Variants in WDPCP observed in about 807,000 individuals in gnomAD.
WDPCP encodes the protein WD repeat-containing and planar cell polarity effector protein fritz homolog.
In WDPCP, 71 loss-of-function variants were observed where a neutral mutation model predicts 93.1. The observed-to-expected ratio is 0.76, with a 90% CI of 0.63 to 0.93. WDPCP has a LOEUF of 0.93. Ranked by LOEUF, WDPCP falls within the 40% of genes least tolerant of loss-of-function variation. WDPCP has a pLI of 0.00. For synonymous variants in WDPCP, 315 were observed against 315.0 expected, an observed-to-expected ratio of 1.00 and a Z score of 0.00; for missense variants, 844 against 887.4, an observed-to-expected ratio of 0.95 and a Z score of 0.62.
chr2:63,308,766 A>G (rs1685947860), intron 13 of WDPCP, among the ~76,000 whole-genome samples: 1 of 152,194 alleles, frequency 6.6e-6, no homozygotes. Flanking sequence ...TAGGGGAGAG[A>G]CAGCATTAGG....
chr2:63,142,921 TATACACACAC>T (rs1671200618), intron 17 of WDPCP, among the ~76,000 whole-genome samples: 1 of 76,558 alleles, frequency 1.3e-5, no homozygotes, highest in Non-Finnish European at 2.7e-5. Flanking sequence ...TACACATACA[TATACACACAC>T]ACACACACAC....
chr2:63,776,801 T>A (rs113397762), intron 2 of WDPCP, among the ~76,000 whole-genome samples: 1 of 152,170 alleles, frequency 6.6e-6, no homozygotes, highest in African/African-American at 2.4e-5. Flanking sequence ...TCCTGTCATT[T>A]GTGACAACAT....
chr2:63,130,891 T>C (rs1014963303), intron 17 of WDPCP, among the ~76,000 whole-genome samples: 17 of 152,182 alleles, frequency 1.1e-4, no homozygotes, highest in African/African-American at 4.1e-4. Flanking sequence ...GTTTGGTACA[T>C]ACATATTTAT....
chr2:63,286,243 C>A (rs1683992917), intron 13 of WDPCP, among the ~76,000 whole-genome samples: 1 of 152,176 alleles, frequency 6.6e-6, no homozygotes, highest in Non-Finnish European at 1.5e-5. Flanking sequence ...ATCATATCCC[C>A]TGTGACCTGC....
intron 9 of WDPCP, among the ~76,000 whole-genome samples, chr2:63,418,467 A>G (rs1695593121): frequency 6.6e-6 from 1 of 152,248 alleles, no homozygotes; most frequent in South Asian, 2.1e-4. Context: ...CCCATCTTCC[A>G]TGAGGCATGC....
At chr2:63,651,655 A>G (rs979707146) in intron 2 of WDPCP, among the ~76,000 whole-genome samples, 1 of 152,132 alleles carries the variant, frequency 6.6e-6, no homozygotes, top group Non-Finnish European at 1.5e-5. Flanking sequence ...AAGGCCTTCA[A>G]CTGATTTGAT....
Position 63,681,725 on chromosome 2 carries a change from G to A in WDPCP, n.309-30887C>T, listed in dbSNP as rs543355015. On this transcript the variant is annotated intron_variant and non_coding_transcript_variant, in intron 2 of 4. Transcript: ENST00000467687. ...GGAGGCAGTGGTTACAGAGGGCCTC[G>A]GACAAGATTCAATACTATGCTGGCT... is the stretch of plus-strand genomic sequence containing the variant. Among the ~76,000 whole-genome samples, 11 of 152,274 alleles carry A rather than the reference G, an allele frequency of 7.2e-5. No homozygotes were observed. In the South Asian group the frequency reaches 1.5e-3, roughly 20 times the overall value.
At chr2:63,704,877 C>G (rs935536864) in intron 2 of WDPCP, among the ~76,000 whole-genome samples, 1 of 152,094 alleles carries the variant, frequency 6.6e-6, no homozygotes, top group African/African-American at 2.4e-5. Flanking sequence ...GGAATGGTAC[C>G]AGCTCCTCCT....
At chr2:63,330,979 C>T (rs1421557838) in intron 12 of WDPCP, among the ~76,000 whole-genome samples, 2 of 151,230 alleles carry the variant, frequency 1.3e-5, no homozygotes. Context: ...CAAGGATCCT[C>T]CCACCTCAGT....
chr2:63,287,700 C>T (rs1422289938), intron 13 of WDPCP, among the ~76,000 whole-genome samples: 1 of 152,178 alleles, frequency 6.6e-6, no homozygotes, highest in Admixed American at 6.5e-5. Flanking sequence ...ATGCATCTTC[C>T]ATCATTTCCA....
intron 12 of WDPCP, among the ~76,000 whole-genome samples, chr2:63,313,930 G>A (rs1686422127): frequency 3.3e-5 from 1 of 30,552 alleles, no homozygotes; most frequent in African/African-American, 1.9e-4. Flanking sequence ...TCACCAGGCT[G>A]GAGTGCAGGG....
At chr2:63,469,560 C>T (rs898760137) in intron 6 of WDPCP, among the ~76,000 whole-genome samples, 12 of 152,104 alleles carry the variant, frequency 7.9e-5, no homozygotes, top group South Asian at 4.1e-4. Flanking sequence ...ACATGGATAG[C>T]GCTGGAGGCC....
chr2:63,403,238 CAAA>C (rs1694288543), intron 10 of WDPCP, among the ~76,000 whole-genome samples: 1 of 151,730 alleles, frequency 6.6e-6, no homozygotes, highest in South Asian at 2.1e-4. Context: ...CTTATGAACA[CAAA>C]GAAGAAAAAA....
At chr2:63,686,834 C>A (rs991109006) in intron 2 of WDPCP, among the ~76,000 whole-genome samples, 6 of 152,068 alleles carry the variant, frequency 3.9e-5, no homozygotes, top group African/African-American at 1.4e-4. Context: ...AAAGGACAGT[C>A]TTTTCAATGA....
chr2:63,757,778 A>G (rs543022628), intron 2 of WDPCP, among the ~76,000 whole-genome samples: 18 of 152,354 alleles, frequency 1.2e-4, no homozygotes, highest in African/African-American at 3.6e-4. Context: ...AAATTCATTT[A>G]TTCACATGTT....
chr2:63,489,111 G>A (rs115895648), intron 2 of WDPCP, among the ~76,000 whole-genome samples: 1,785 of 152,174 alleles, frequency 0.012, 18 homozygotes, highest in Non-Finnish European at 0.017. Context: ...AACCCAACAT[G>A]GTATATCAAA....
chr2:63,221,227 C>T (rs1209594369), intron 14 of WDPCP, among the ~76,000 whole-genome samples: 1 of 152,112 alleles, frequency 6.6e-6, no homozygotes, highest in African/African-American at 2.4e-5. Context: ...ACTATTTTTC[C>T]AGGATTCATG....
At position 63,173,361 on chromosome 2, in the gene WDPCP, T is replaced by C. The variant is rs147858612; in HGVS notation, c.2078+1309A>G. ...AGCCTCTCCCTGTTGAATTTTTGGC[T>C]AGTTTGCCATTCTGTCACTTGCCCT... is the stretch of plus-strand genomic sequence containing the variant. On this transcript the variant is annotated intron_variant, in intron 15 of 17. Coordinates refer to ENST00000272321, the MANE Select transcript of WDPCP (RefSeq NM_015910.7). Among the ~76,000 whole-genome samples the C allele has an allele frequency of 4.6e-5, 7 of 152,272 alleles. No homozygotes were observed. The East Asian group carries it at 1.4e-3, about 29-fold the overall frequency.
chr2:63,389,718 G>C (rs1439227665), intron 10 of WDPCP, among the ~76,000 whole-genome samples: 2 of 151,836 alleles, frequency 1.3e-5, no homozygotes, highest in African/African-American at 4.8e-5. Flanking sequence ...CAAGCAAATA[G>C]AAAGCAAAAA....
Sources: gnomAD v4.1 joint callset for allele counts (sites outside exome capture counted in the v4.1 genomes callset) on GRCh38, gnomAD v4.1.1 for gene constraint, MANE v1.5 for transcripts, NCBI Gene and HGNC (gene_info 2026-07-23, HGNC 2026-07-21) for gene names.